The following CACNA1C variants were observed in gnomAD, a reference collection of about 807,000 sequenced individuals.
CACNA1C encodes voltage-dependent L-type calcium channel subunit alpha-1C.
CACNA1C carries 30 observed loss-of-function variants against 229.0 expected under a neutral mutation model. The observed-to-expected ratio is 0.13, with a 90% CI of 0.10 to 0.18. CACNA1C has a LOEUF of 0.18. Ranked by LOEUF, CACNA1C falls within the 10% of genes least tolerant of loss-of-function variation. CACNA1C has a pLI of 1.00. For missense variants in CACNA1C, 1,658 were observed against 2,845.0 expected (o/e 0.58, Z 9.49); for synonymous variants, 1,114 against 1,132.5 (o/e 0.98, Z 0.33).
chr12:2,673,795 T>A (rs758269880), intron 38 of CACNA1C, among the ~76,000 whole-genome samples: 4 of 152,136 alleles, frequency 2.6e-5, no homozygotes, highest in Non-Finnish European at 5.9e-5. Context: ...TGTGACTAGG[T>A]CAGGCCTGCC....
At chr12:2,385,337 T>TC (rs1279745736) in intron 3 of CACNA1C, among the ~76,000 whole-genome samples, 1 of 149,242 alleles carries the variant, frequency 6.7e-6, no homozygotes, top group Non-Finnish European at 1.5e-5. Context: ...TGCCTCCCTC[T>TC]CCCGGCAACG....
In CACNA1C at chr12:2,695,216, C is replaced by G. The variant is rs557470300; in HGVS notation, c.*4017C>G. 6.6e-6 allele frequency: 1 copy of G among 152,202 alleles called. No individual in the cohort carries two copies. Among genetic ancestry groups the G allele is most frequent in the East Asian group, 1.9e-4 (1 of 5,188 alleles). The allele number at this position is 152,202 out of a possible 1,614,324, so 9.4% of individuals were successfully genotyped here. A position where few individuals can be genotyped will look rare whatever the true frequency, so the allele number is the denominator to read the frequency against. ...CAAGAAAAGGGCATATTTTGACTCC[C>G]TCTGTGCCTCTTCCCAGTTCATGGA... On this transcript the variant is annotated 3_prime_UTR_variant, in exon 47 of 47. Transcript: ENST00000399655.
rs187891014 is a variant in CACNA1C, at chr12:2,520,881, G to T, written c.1390+7897G>T. 2.0e-5 allele frequency among the ~76,000 whole-genome samples: 3 copies of T among 152,150 alleles called. No individual in the cohort carries two copies. In the South Asian group the frequency reaches 6.2e-4, roughly 32 times the overall value. On this transcript the variant is annotated intron_variant, in intron 9 of 46. Transcript: ENST00000399655. ...CATTGACCAATGGCCGTGTGCTTCA[G>T]AGGAGTGGGAAGGTGACAGCCACAT...
intron 1 of CACNA1C, among the ~76,000 whole-genome samples, chr12:2,062,618 C>T (rs1056194223): frequency 6.6e-6 from 1 of 152,200 alleles, no homozygotes; most frequent in Non-Finnish European, 1.5e-5. Flanking sequence ...TGGTACCCCG[C>T]CTCCCCTCCT....
intron 3 of CACNA1C, among the ~76,000 whole-genome samples, chr12:2,126,462 C>T (rs2238034): frequency 0.8 from 121,939 of 152,228 alleles, 49,461 homozygotes; most frequent in African/African-American, 0.93. Flanking sequence ...AACTTCCTGT[C>T]CTCTGCATAC....
chr12:2,566,994 G>A lies in CACNA1C; in HGVS notation c.1669+412G>A, dbSNP rs556015171. Among the ~76,000 whole-genome samples the A allele has an allele frequency of 6.7e-4, 101 of 151,704 alleles. 1 individual carries two copies. The highest frequency in any genetic ancestry group is 2.4e-3 in the African/African-American group (97 of 41,260). ...AGGATGGAATGAGCAAAAAGGCAGA[G>A]AAGAGAATAGGGCCTGAGCACAAGG... On this transcript the variant is annotated intron_variant, in intron 12 of 46. Coordinates refer to ENST00000399655, the MANE Select transcript of CACNA1C (RefSeq NM_000719.7). The surrounding 1 kb of genome is among the most constrained non-coding windows in gnomAD (Gnocchi z 4.0).
intron 3 of CACNA1C, among the ~76,000 whole-genome samples, chr12:2,177,587 CCCTTCCTTCCTTCCTTCCTT>C (rs1555274712): frequency 1.0e-3 from 82 of 78,508 alleles, no homozygotes; most frequent in African/African-American, 4.4e-3. Flanking sequence ...CTCCCTCCCT[CCCTTCCTTCCTTCCTTCCTT>C]CCTTCCTTCC....
intron 18 of CACNA1C, among the ~76,000 whole-genome samples, chr12:2,588,622 C>A (rs899223146): frequency 6.6e-5 from 10 of 152,180 alleles, no homozygotes; most frequent in African/African-American, 2.4e-4. Flanking sequence ...AACAAGGGGC[C>A]ATCGAGGCCA....
At chr12:2,355,368 C>CG (rs200984252) in intron 3 of CACNA1C, among the ~76,000 whole-genome samples, 7,431 of 152,204 alleles carry the variant, frequency 0.049, 420 homozygotes, top group African/African-American at 0.13. Flanking sequence ...CCCACCCCCC[C>CG]ACATTTCCTC....
chr12:2,484,863 CT>C (rs1484361122), intron 5 of CACNA1C, among the ~76,000 whole-genome samples: 4 of 151,688 alleles, frequency 2.6e-5, no homozygotes, highest in African/African-American at 9.7e-5. Flanking sequence ...GCTGCAAGCA[CT>C]CTTATTAATT....
intron 9 of CACNA1C, among the ~76,000 whole-genome samples, chr12:2,518,874 TCTTAG>T: frequency 6.6e-6 from 1 of 152,294 alleles, no homozygotes; most frequent in Non-Finnish European, 1.5e-5. Context: ...TCACGTTAAC[TCTTAG>T]CTGGTCCTAA....
intron 3 of CACNA1C, among the ~76,000 whole-genome samples, chr12:2,414,008 T>C (rs2098837220): frequency 6.6e-6 from 1 of 152,178 alleles, no homozygotes; most frequent in Non-Finnish European, 1.5e-5. Context: ...AATCAGTGCC[T>C]TGCATAGCAG....
chr12:2,431,392 G>A (rs1418228292), intron 3 of CACNA1C, among the ~76,000 whole-genome samples: 1 of 152,156 alleles, frequency 6.6e-6, no homozygotes, highest in African/African-American at 2.4e-5. Context: ...TGATAATGAT[G>A]AAACTAAAAT....
intron 1 of CACNA1C, among the ~76,000 whole-genome samples, chr12:1,985,463 T>C (rs1365415222): frequency 6.6e-6 from 1 of 152,162 alleles, no homozygotes; most frequent in African/African-American, 2.4e-5. Flanking sequence ...TTTTTATACC[T>C]ATTTTTGTGC....
At chr12:2,515,783 G>C (rs542815329) in intron 9 of CACNA1C, among the ~76,000 whole-genome samples, 1 of 152,326 alleles carries the variant, frequency 6.6e-6, no homozygotes, top group East Asian at 1.9e-4. Flanking sequence ...AAATGGGCTG[G>C]AAGGACAACA....
At chr12:2,078,507 A>G (rs1429889664) in intron 1 of CACNA1C, among the ~76,000 whole-genome samples, 10 of 152,206 alleles carry the variant, frequency 6.6e-5, no homozygotes, top group Non-Finnish European at 1.2e-4. Flanking sequence ...GCATGATCCT[A>G]TTTATATGAG....
intron 3 of CACNA1C, among the ~76,000 whole-genome samples, chr12:2,236,351 A>G (rs2067369929): frequency 6.6e-6 from 1 of 152,204 alleles, no homozygotes; most frequent in Admixed American, 6.5e-5. Context: ...GACTACTATC[A>G]TGCCTGTGTA....
chr12:2,216,107 C>G (rs1404859640), intron 3 of CACNA1C, among the ~76,000 whole-genome samples: 1 of 152,126 alleles, frequency 6.6e-6, no homozygotes, highest in African/African-American at 2.4e-5. Flanking sequence ...ACCAGAGGTC[C>G]CTGGGGCACG....
At chr12:2,294,053 C>T (rs1189970191) in intron 3 of CACNA1C, among the ~76,000 whole-genome samples, 5 of 152,134 alleles carry the variant, frequency 3.3e-5, no homozygotes, top group East Asian at 1.9e-4. Flanking sequence ...CAAAGGAAGA[C>T]GAGACACAAC....
Sources: gnomAD v4.1 joint callset for allele counts (sites outside exome capture counted in the v4.1 genomes callset) on GRCh38, gnomAD v4.1.1 for gene constraint, Gnocchi (gnomAD v3.1) non-coding constraint, MANE v1.5 for transcripts, NCBI Gene and HGNC (gene_info 2026-07-23, HGNC 2026-07-21) for gene names.